Variants in TRIM24 observed in about 807,000 individuals in gnomAD.
TRIM24 encodes the protein tripartite motif containing 24.
A neutral mutation model predicts 123.9 loss-of-function variants in TRIM24; 29 were observed. The observed-to-expected ratio is 0.23, with a 90% CI of 0.17 to 0.32. The LOEUF is 0.32. Among genes scored for constraint, TRIM24 ranks in the 10% least tolerant of loss-of-function variants. TRIM24 has a pLI of 1.00. For missense variants in TRIM24, 932 were observed against 1,295.3 expected, an observed-to-expected ratio of 0.72 and a Z score of 4.31; for synonymous variants, 456 against 461.1, an observed-to-expected ratio of 0.99 and a Z score of 0.14.
chr7:138,553,437 T>C (rs576616639), intron 8 of TRIM24, among the ~76,000 whole-genome samples: 1 of 152,272 alleles, frequency 6.6e-6, no homozygotes, highest in Admixed American at 6.5e-5. Context: ...TCATAGTGAA[T>C]TACACACAGT....
intron 1 of TRIM24, chr7:138,491,089 AT>A: frequency 3.8e-6 from 1 of 262,584 alleles, no homozygotes; most frequent in South Asian, 4.3e-5. Flanking sequence ...AAGTCAGGCA[AT>A]TTTTGCCCTG....
At chr7:138,548,107 G>A (rs2116625170) in intron 7 of TRIM24, among the ~76,000 whole-genome samples, 2 of 152,242 alleles carry the variant, frequency 1.3e-5, no homozygotes, top group South Asian at 4.1e-4. Context: ...AGGATAAAAA[G>A]TACAGTCATG....
At chr7:138,471,679 T>TA (rs1795275535) in intron 1 of TRIM24, among the ~76,000 whole-genome samples, 1 of 152,054 alleles carries the variant, frequency 6.6e-6, no homozygotes, top group Non-Finnish European at 1.5e-5. Context: ...CAGCTGGGAT[T>TA]ACAGGTGCGC....
intron 7 of TRIM24, among the ~76,000 whole-genome samples, chr7:138,545,138 C>T (rs1797075202): frequency 6.6e-6 from 1 of 151,958 alleles, no homozygotes; most frequent in Non-Finnish European, 1.5e-5. Context: ...ATCTAATTAT[C>T]AATATACATA....
In TRIM24 at chr7:138,555,466, T is replaced by A. The variant is rs1384387676; in HGVS notation, c.1530+500T>A. On this transcript the variant is annotated intron_variant, in intron 9 of 18. Coordinates refer to ENST00000343526, the MANE Select transcript of TRIM24 (RefSeq NM_015905.3). ...GCAAATATACTGTCTACCGTTCTTATTTTTACTATAATCCAATTTTTTTTT... is the reference window on the plus strand; with the variant it reads ...GCAAATATACTGTCTACCGTTCTTAATTTTACTATAATCCAATTTTTTTTT... Among the ~76,000 whole-genome samples, 4 of 152,150 alleles carry A rather than the reference T, an allele frequency of 2.6e-5. No individual in the cohort carries two copies. The South Asian group carries it at 8.3e-4, about 32-fold the overall frequency.
At chr7:138,472,697 G>T (rs1480436113) in intron 1 of TRIM24, among the ~76,000 whole-genome samples, 2 of 152,138 alleles carry the variant, frequency 1.3e-5, no homozygotes, top group South Asian at 2.1e-4. Context: ...TTGAAGCAGG[G>T]TATTTTAGGG....
At chr7:138,462,060 A>T (rs947880157) in intron 1 of TRIM24, among the ~76,000 whole-genome samples, 5 of 152,006 alleles carry the variant, frequency 3.3e-5, no homozygotes, top group African/African-American at 1.2e-4. Context: ...CTTTGTTTCT[A>T]TTTTTTCACG....
At chr7:138,568,002 G>A (rs149856297) in intron 10 of TRIM24, among the ~76,000 whole-genome samples, 1,791 of 152,238 alleles carry the variant, frequency 0.012, 17 homozygotes, top group Non-Finnish European at 0.016. Flanking sequence ...TCTTTGAAGC[G>A]TCTCAAGAAG....
At position 138,460,899 on chromosome 7, in the gene TRIM24, G is replaced by T; in HGVS notation, c.351G>T (p.Pro117=). Residue 117 remains proline, a synonymous_variant, in exon 1 of 19, where the codon CCG becomes CCT. Transcript: ENST00000343526. The part of the protein sequence containing the change: ...APGSPVSGSS[P]FATQVGVIRC... The stretch of plus-strand genomic sequence containing the variant: ...GCTCGCCGGTCAGCGGCTCGTCGCC[G>T]TTCGCCACCCAAGGTGAGAACCGGC... 1.3e-6 allele frequency: 2 copies of T among 1,506,652 alleles called. No individual in the cohort carries two copies. Among genetic ancestry groups the T allele is most frequent in the Non-Finnish European group, 8.8e-7 (1 of 1,136,258 alleles). 93.3% of individuals were successfully genotyped at this position (1,506,652 alleles called of 1,614,324 possible). A position where few individuals can be genotyped will look rare whatever the true frequency, so the allele number is the denominator to read the frequency against.
chr7:138,504,474 G>C, intron 2 of TRIM24, 66 bp downstream of exon 2: 1 of 554,608 alleles, frequency 1.8e-6, no homozygotes, highest in Non-Finnish European at 2.5e-6. Context: ...TTTTTTTTTT[G>C]AGACAGAGTC....
At chr7:138,481,639 T>TACAA (rs923319681) in intron 1 of TRIM24, among the ~76,000 whole-genome samples, 27 of 151,750 alleles carry the variant, frequency 1.8e-4, no homozygotes, top group African/African-American at 4.8e-4. Flanking sequence ...CTTATCTCAA[T>TACAA]ACAAACAAAC....
intron 12 of TRIM24, among the ~76,000 whole-genome samples, chr7:138,575,647 A>G (rs1797743360): frequency 6.6e-6 from 1 of 151,854 alleles, no homozygotes; most frequent in Non-Finnish European, 1.5e-5. Flanking sequence ...TCCCACTTTC[A>G]TTGTATTCCT....
At chr7:138,494,994 G>A (rs956332075) in intron 1 of TRIM24, among the ~76,000 whole-genome samples, 1 of 152,168 alleles carries the variant, frequency 6.6e-6, no homozygotes, top group African/African-American at 2.4e-5. Flanking sequence ...TGTATTCACT[G>A]TTATGGAGTG....
intron 3 of TRIM24, 83 bp from the exon 4 acceptor site, chr7:138,519,106 G>A: frequency 6.6e-7 from 1 of 1,516,060 alleles, no homozygotes; most frequent in South Asian, 1.2e-5. Context: ...ATCAATAGAT[G>A]TGAATTCAAA....
Position 138,460,689 on chromosome 7 carries a change from G to C in TRIM24, c.141G>C (p.Ala47=). The C allele has an allele frequency of 6.5e-7, 1 of 1,539,672 alleles. No individual in the cohort carries two copies. The highest frequency in any genetic ancestry group is 8.7e-7 in the Non-Finnish European group (1 of 1,149,206). ...CGGACTCGGAGCGCGGCGGCGAGGC[G>C]GCCCGGCTCAACCTGTTGGACACTT... is the stretch of plus-strand genomic sequence containing the variant. ...QGPDSERGGE[A]ARLNLLDTCA... The change falls in exon 1 of 19, where the codon GCG becomes GCC. Residue 47 remains alanine, a synonymous_variant. Coordinates refer to ENST00000343526, the MANE Select transcript of TRIM24 (RefSeq NM_015905.3).
At chr7:138,531,385 A>G (rs1584722408) in intron 6 of TRIM24, among the ~76,000 whole-genome samples, 1 of 92,248 alleles carries the variant, frequency 1.1e-5, no homozygotes, top group Non-Finnish European at 2.1e-5. Context: ...ACCCCACAAC[A>G]GGCCCCGGTG....
intron 1 of TRIM24, among the ~76,000 whole-genome samples, chr7:138,476,592 C>CAAAAAAAAAAAAA (rs60613094): frequency 9.3e-6 from 1 of 107,876 alleles, no homozygotes; most frequent in South Asian, 3.0e-4. Flanking sequence ...GGCTCCGTCT[C>CAAAAAAAAAAAAA]AAAAAAAAAA....
chr7:138,463,296 G>T (rs779968490), intron 1 of TRIM24, among the ~76,000 whole-genome samples: 1 of 151,162 alleles, frequency 6.6e-6, no homozygotes, highest in Admixed American at 6.6e-5. Context: ...TCGCTTTGTC[G>T]TTCAGGCTGG....
chr7:138,549,674 T>A (rs1054166537), intron 7 of TRIM24, among the ~76,000 whole-genome samples: 1 of 150,880 alleles, frequency 6.6e-6, no homozygotes. Context: ...TTTTGAAGAG[T>A]TTTGCTGCAA....
Sources: allele counts gnomAD v4.1 joint callset (sites outside exome capture counted in the v4.1 genomes callset), GRCh38; gene constraint gnomAD v4.1.1; transcripts MANE v1.5; gene names NCBI Gene and HGNC (gene_info 2026-07-23, HGNC 2026-07-21).